The following SGCZ variants were observed in gnomAD, a reference collection of about 807,000 sequenced individuals.
SGCZ encodes the protein sarcoglycan zeta.
In SGCZ, 40 loss-of-function variants were observed where a neutral mutation model predicts 41.3. That is an observed-to-expected ratio of 0.97 (90% CI 0.75 to 1.26). SGCZ has a LOEUF of 1.26. SGCZ is among the 50% of genes most tolerant of loss of function. The probability of loss-of-function intolerance (pLI) is 0.00; values close to 1 mark genes in which losing one functional copy is unlikely to be tolerated. For synonymous variants in SGCZ, 206 were observed against 137.5 expected, an observed-to-expected ratio of 1.50 and a Z score of -3.49; for missense variants, 552 against 369.8, an observed-to-expected ratio of 1.49 and a Z score of -4.04.
At chr8:14,572,451 G>A (rs1205276900) in intron 1 of SGCZ, among the ~76,000 whole-genome samples, 2 of 152,064 alleles carry the variant, frequency 1.3e-5, no homozygotes, top group African/African-American at 4.8e-5. Context: ...CATGTGCCAG[G>A]CACTAATGCC....
At chr8:14,164,245 A>G (rs1804137062) in intron 5 of SGCZ, among the ~76,000 whole-genome samples, 1 of 152,024 alleles carries the variant, frequency 6.6e-6, no homozygotes, top group Non-Finnish European at 1.5e-5. Context: ...CACGTCTTTT[A>G]TTTTAAAATA....
intron 1 of SGCZ, among the ~76,000 whole-genome samples, chr8:15,186,293 A>C (rs1800341529): frequency 9.5e-6 from 1 of 105,524 alleles, no homozygotes; most frequent in African/African-American, 3.0e-5. Flanking sequence ...AAAAAAAAAA[A>C]AAAAAAAGTT....
intron 2 of SGCZ, among the ~76,000 whole-genome samples, chr8:14,467,571 A>G (rs1801087708): frequency 1.3e-5 from 2 of 152,110 alleles, no homozygotes; most frequent in African/African-American, 4.8e-5. Context: ...ACGAGGAGCA[A>G]TCGACTGAAA....
intron 2 of SGCZ, among the ~76,000 whole-genome samples, chr8:14,522,027 G>A (rs183776036): frequency 5.3e-5 from 8 of 152,142 alleles, no homozygotes; most frequent in Admixed American, 3.3e-4. Context: ...ATATGATCAA[G>A]CGATATTTCA....
chr8:15,003,603 C>A (rs1194587770), intron 1 of SGCZ, among the ~76,000 whole-genome samples: 2 of 152,100 alleles, frequency 1.3e-5, no homozygotes, highest in East Asian at 1.9e-4. Context: ...TATTAATACA[C>A]AAATAGCACG....
intron 1 of SGCZ, among the ~76,000 whole-genome samples, chr8:14,726,173 C>T (rs1810043561): frequency 6.7e-6 from 1 of 150,144 alleles, no homozygotes; most frequent in Admixed American, 6.6e-5. Flanking sequence ...GCAGGAGAAT[C>T]ACTTGAACCT....
intron 2 of SGCZ, among the ~76,000 whole-genome samples, chr8:14,396,271 C>G (rs1798917031): frequency 6.6e-6 from 1 of 152,116 alleles, no homozygotes; most frequent in Admixed American, 6.6e-5. Flanking sequence ...TTAAAATGAA[C>G]ACATTTTCTG....
At chr8:15,166,583 T>C (rs1585632017) in intron 1 of SGCZ, among the ~76,000 whole-genome samples, 2 of 152,306 alleles carry the variant, frequency 1.3e-5, no homozygotes, top group East Asian at 3.9e-4. Flanking sequence ...TCTTGGTGAA[T>C]AATGCTAATA....
chr8:15,152,649 C>T (rs991906467), intron 1 of SGCZ, among the ~76,000 whole-genome samples: 4 of 152,124 alleles, frequency 2.6e-5, no homozygotes, highest in Non-Finnish European at 5.9e-5. Flanking sequence ...AATCACACTC[C>T]TTTGAGATAT....
intron 3 of SGCZ, among the ~76,000 whole-genome samples, chr8:14,244,566 G>A (rs541382150): frequency 1.5e-4 from 23 of 152,072 alleles, no homozygotes; most frequent in African/African-American, 5.5e-4. Context: ...GGATTGACTT[G>A]GCGATGCGGG....
chr8:15,055,926 C>T (rs576497233), intron 1 of SGCZ, among the ~76,000 whole-genome samples: 1 of 152,210 alleles, frequency 6.6e-6, no homozygotes, highest in Non-Finnish European at 1.5e-5. Context: ...ACCCTGCCAT[C>T]CTTTATTTTT....
In SGCZ at chr8:14,663,884, A is replaced by G. The variant is rs961925282; in HGVS notation, c.40-108958T>C. Reference sequence around the variant, plus strand: ...CATTCTATCCCCATCCCTAGCTTGAAGGATAAAAGGAACTTTCAGTGAGAG... The same window carrying G: ...CATTCTATCCCCATCCCTAGCTTGAGGGATAAAAGGAACTTTCAGTGAGAG... On this transcript the variant is annotated intron_variant, in intron 1 of 7. Transcript: ENST00000382080. Among the ~76,000 whole-genome samples the G allele has an allele frequency of 3.3e-5, 5 of 152,136 alleles. No homozygotes were observed. In the South Asian group the frequency reaches 1.0e-3, roughly 32 times the overall value.
At chr8:14,466,428 A>C (rs1801052021) in intron 2 of SGCZ, among the ~76,000 whole-genome samples, 1 of 151,936 alleles carries the variant, frequency 6.6e-6, no homozygotes, top group Non-Finnish European at 1.5e-5. Flanking sequence ...AAAGGTCTAG[A>C]TTATAACATG....
chr8:14,907,181 A>C (rs180757960), intron 1 of SGCZ, among the ~76,000 whole-genome samples: 6 of 152,090 alleles, frequency 3.9e-5, no homozygotes, highest in Admixed American at 2.6e-4. Context: ...AATGGGTTTC[A>C]TATGTTTTAC....
At chr8:14,450,926 C>T (rs917340348) in intron 2 of SGCZ, among the ~76,000 whole-genome samples, 1 of 152,092 alleles carries the variant, frequency 6.6e-6, no homozygotes, top group Non-Finnish European at 1.5e-5. Context: ...CATCTTGGGG[C>T]AGACAGAATA....
chr8:14,983,235 G>C (rs1013822146), intron 1 of SGCZ, among the ~76,000 whole-genome samples: 2 of 150,350 alleles, frequency 1.3e-5, no homozygotes, highest in Non-Finnish European at 3.0e-5. Context: ...GCCCAGGCTG[G>C]AGTGCAGTGG....
At chr8:15,138,570 G>A (rs999754681) in intron 1 of SGCZ, among the ~76,000 whole-genome samples, 1 of 152,094 alleles carries the variant, frequency 6.6e-6, no homozygotes, top group East Asian at 1.9e-4. Flanking sequence ...CCGTTCTCAT[G>A]ATAAAGAGTG....
At chr8:14,319,702 T>C in intron 3 of SGCZ, among the ~76,000 whole-genome samples, 1 of 151,976 alleles carries the variant, frequency 6.6e-6, no homozygotes, top group East Asian at 1.9e-4. Flanking sequence ...GCAGTTAAAT[T>C]TGCAGAACTG....
intron 1 of SGCZ, among the ~76,000 whole-genome samples, chr8:14,810,053 A>G (rs146592262): frequency 0.029 from 4,359 of 152,198 alleles, 97 homozygotes; most frequent in Non-Finnish European, 0.046. Flanking sequence ...TGTTTTTAAC[A>G]TACCACAGAC....
Sources: gnomAD v4.1 joint callset for allele counts (sites outside exome capture counted in the v4.1 genomes callset) on GRCh38, gnomAD v4.1.1 for gene constraint, MANE v1.5 for transcripts, NCBI Gene and HGNC (gene_info 2026-07-23, HGNC 2026-07-21) for gene names.